The following BACH2 variants were observed in gnomAD, a reference collection of about 807,000 sequenced individuals.
BACH2 encodes transcription regulator protein BACH2.
Under a neutral mutation model 61.8 loss-of-function variants are expected in BACH2, and 5 were observed. The ratio of observed to expected loss-of-function variants is 0.08; its 90% CI spans 0.04 to 0.17. The LOEUF (loss-of-function observed/expected upper bound fraction) is 0.17. Among genes scored for constraint, BACH2 ranks in the 10% least tolerant of loss-of-function variants. BACH2 has a pLI of 1.00. For missense variants in BACH2, 824 were observed against 1,091.1 expected, an observed-to-expected ratio of 0.76 and a Z score of 3.45; for synonymous variants, 446 against 440.1, an observed-to-expected ratio of 1.01 and a Z score of -0.17.
intron 7 of BACH2, among the ~76,000 whole-genome samples, chr6:89,947,679 C>G (rs1404895494): frequency 6.6e-6 from 1 of 152,086 alleles, no homozygotes. Context: ...CATTCTCCTG[C>G]CTCAGCCTCC....
At chr6:90,200,391 T>C (rs917841620) in intron 4 of BACH2, among the ~76,000 whole-genome samples, 1 of 152,082 alleles carries the variant, frequency 6.6e-6, no homozygotes, top group Non-Finnish European at 1.5e-5. Flanking sequence ...TTTTTAAAAA[T>C]TGAGGCACTG....
At chr6:90,019,849 A>T (rs1478054445) in intron 5 of BACH2, among the ~76,000 whole-genome samples, 1 of 152,214 alleles carries the variant, frequency 6.6e-6, no homozygotes, top group African/African-American at 2.4e-5. Context: ...ATATTCTGCT[A>T]ACAGGGCAGG....
intron 5 of BACH2, among the ~76,000 whole-genome samples, chr6:90,081,434 C>T (rs1781716317): frequency 6.6e-6 from 1 of 152,178 alleles, no homozygotes; most frequent in African/African-American, 2.4e-5. Flanking sequence ...CCAGGGCATT[C>T]AACACAATCG....
Position 90,034,725 on chromosome 6 carries a change from T to C in BACH2, c.-12-25869A>G, listed in dbSNP as rs142359688. The stretch of plus-strand genomic sequence containing the variant: ...GTTAGAGAGCTGTGGTAATTTGCTA[T>C]GTCATCCTCAGCTATATTAATGTCT... On this transcript the variant is annotated intron_variant, in intron 5 of 8. Transcript: ENST00000257749. 9.2e-5 allele frequency among the ~76,000 whole-genome samples: 14 copies of C among 152,284 alleles called. No individual in the cohort carries two copies. In the East Asian group the frequency reaches 2.7e-3, roughly 29 times the overall value.
At chr6:90,167,118 C>T (rs1017336882) in intron 4 of BACH2, among the ~76,000 whole-genome samples, 1 of 152,136 alleles carries the variant, frequency 6.6e-6, no homozygotes, top group African/African-American at 2.4e-5. Context: ...GTTTGACCCT[C>T]ACAGTATTCT....
chr6:90,148,492 CA>C (rs1297113218), intron 4 of BACH2, among the ~76,000 whole-genome samples: 1 of 152,068 alleles, frequency 6.6e-6, no homozygotes, highest in African/African-American at 2.4e-5. Flanking sequence ...GCCTTGTTTC[CA>C]ACAGTGGAAA....
chr6:90,228,397 G>A (rs1408819899), intron 3 of BACH2, among the ~76,000 whole-genome samples: 2 of 152,204 alleles, frequency 1.3e-5, no homozygotes, highest in East Asian at 3.8e-4. Flanking sequence ...ATGTGGAAGA[G>A]GTGTTTATTT....
chr6:90,143,706 C>T (rs146804686), intron 4 of BACH2, among the ~76,000 whole-genome samples: 131 of 152,258 alleles, frequency 8.6e-4, no homozygotes, highest in African/African-American at 3.1e-3. Context: ...TTTTCCTCAT[C>T]CTTCATGAAA....
intron 4 of BACH2, among the ~76,000 whole-genome samples, chr6:90,132,463 T>C (rs559295734): frequency 2.0e-5 from 3 of 152,332 alleles, no homozygotes; most frequent in Admixed American, 1.3e-4. Context: ...TCTTCTCTGA[T>C]TTTATCTTTC....
At chr6:90,283,384 T>C (rs573408507) in intron 1 of BACH2, among the ~76,000 whole-genome samples, 1 of 152,082 alleles carries the variant, frequency 6.6e-6, no homozygotes, top group Non-Finnish European at 1.5e-5. Context: ...CTTTTTTTTT[T>C]TTCTTTTTTG....
chr6:90,163,934 T>C (rs751035783), intron 4 of BACH2, among the ~76,000 whole-genome samples: 7 of 152,210 alleles, frequency 4.6e-5, no homozygotes, highest in Non-Finnish European at 1.0e-4. Context: ...TAAGAATTTA[T>C]GTACTGTGAT....
intron 6 of BACH2, chr6:89,952,215 G>C: frequency 4.2e-6 from 1 of 240,584 alleles, no homozygotes; most frequent in Non-Finnish European, 8.2e-6. Context: ...CAGTCCTGTT[G>C]AGAGCCATTC....
chr6:90,189,397 A>T (rs1317495288), intron 4 of BACH2, among the ~76,000 whole-genome samples: 1 of 151,744 alleles, frequency 6.6e-6, no homozygotes, highest in Admixed American at 6.6e-5. Context: ...TCATGAGGTC[A>T]GGAGATCGAG....
chr6:90,051,791 GA>G (rs1426194139), intron 5 of BACH2, among the ~76,000 whole-genome samples: 1 of 151,024 alleles, frequency 6.6e-6, no homozygotes, highest in African/African-American at 2.4e-5. Flanking sequence ...ATGTATCCCA[GA>G]ACTTAAAATA....
chr6:90,173,621 C>T (rs1337596684), intron 4 of BACH2, among the ~76,000 whole-genome samples: 1 of 151,990 alleles, frequency 6.6e-6, no homozygotes, highest in Non-Finnish European at 1.5e-5. Flanking sequence ...CTGGAAAAGA[C>T]AAAATAACAT....
intron 4 of BACH2, among the ~76,000 whole-genome samples, chr6:90,153,593 G>A (rs1480775214): frequency 6.6e-6 from 1 of 152,060 alleles, no homozygotes; most frequent in Admixed American, 6.6e-5. Flanking sequence ...TTTAGATTGT[G>A]GCAATTAAGT....
chr6:90,211,846 G>GC (rs1769365494), intron 3 of BACH2, among the ~76,000 whole-genome samples: 9 of 152,158 alleles, frequency 5.9e-5, no homozygotes, highest in Admixed American at 5.9e-4. Context: ...CAGTGTTAAA[G>GC]GTCTCACTAG....
intron 4 of BACH2, among the ~76,000 whole-genome samples, chr6:90,165,193 G>C (rs1767566244): frequency 6.6e-6 from 1 of 152,150 alleles, no homozygotes; most frequent in Non-Finnish European, 1.5e-5. Context: ...ATCTCCTTAA[G>C]CTGATAAGCA....
intron 5 of BACH2, among the ~76,000 whole-genome samples, chr6:90,018,900 TTGC>T (rs748779337): frequency 1.3e-5 from 2 of 152,200 alleles, no homozygotes; most frequent in African/African-American, 2.4e-5. Flanking sequence ...GACTAGGAAA[TTGC>T]TGCTAAATTC....
Sources: allele counts gnomAD v4.1 joint callset (sites outside exome capture counted in the v4.1 genomes callset), GRCh38; gene constraint gnomAD v4.1.1; transcripts MANE v1.5; gene names NCBI Gene and HGNC (gene_info 2026-07-23, HGNC 2026-07-21).